KCNK3: variants seen among roughly 807,000 people sequenced by gnomAD.
KCNK3 encodes potassium two pore domain channel subfamily K member 3.
A neutral mutation model predicts 27.3 loss-of-function variants in KCNK3; 9 were observed. That is an observed-to-expected ratio of 0.33 (90% confidence interval 0.20 to 0.57). The LOEUF is 0.57. KCNK3 is among the 20% of genes least tolerant of loss of function. The pLI is 0.87. For synonymous variants in KCNK3, 278 were observed against 273.8 expected (o/e 1.02, Z -0.15); for missense variants, 391 against 577.7 (o/e 0.68, Z 3.31).
rs1663557122 is a variant in KCNK3, at chr2:26,732,420, G to C, written c.*3852G>C. ...TTGAAATATACTGGAGAAATAAAGA[G>C]AGTGGGAGTAGGGACACTTTCTCCC... On this transcript the variant is annotated 3_prime_UTR_variant, in exon 2 of 2. Transcript: ENST00000302909. 6.6e-6 allele frequency: 1 copy of C among 152,234 alleles called. No individual in the cohort carries two copies. The highest frequency in any genetic ancestry group is 2.4e-5 in the African/African-American group (1 of 41,444). The allele number at this position is 152,234 out of a possible 1,614,324, so 9.4% of individuals were successfully genotyped here.
At chr2:26,710,703 T>C (rs1663096442) in intron 1 of KCNK3, among the ~76,000 whole-genome samples, 1 of 152,084 alleles carries the variant, frequency 6.6e-6, no homozygotes, top group South Asian at 2.1e-4. Flanking sequence ...GCTCTGACCC[T>C]TGGGATTCTA....
At position 26,727,717 on chromosome 2, in the gene KCNK3, T is replaced by C. The variant is rs759453345; in HGVS notation, c.334T>C (p.Phe112Leu). ...GGATGGCGGCAAGGTGTTCTGCATG[T>C]TCTACGCGCTGCTGGGCATCCCGCT... ...STDGGKVFCM[F>L]YALLGIPLTL... Residue 112 changes from phenylalanine (F) to leucine (L), a missense_variant, in exon 2 of 2, where the codon TTC becomes CTC. Phe to Leu is a conservative substitution (Grantham distance 22). This residue lies in a region of KCNK3 where 158 missense variants were observed against 267.7 expected (regional missense o/e 0.59). Transcript: ENST00000302909. The C allele has an allele frequency of 6.4e-7, 1 of 1,553,692 alleles. No individual in the cohort carries two copies.
chr2:26,717,916 A>C (rs1663260870), intron 1 of KCNK3, among the ~76,000 whole-genome samples: 1 of 152,172 alleles, frequency 6.6e-6, no homozygotes, highest in Non-Finnish European at 1.5e-5. Context: ...CTCTGTGCCA[A>C]GCCCCCTTCC....
At chr2:26,724,518 T>G in intron 1 of KCNK3, 1 of 829,818 alleles carries the variant, frequency 1.2e-6, no homozygotes, top group Non-Finnish European at 1.5e-6. Flanking sequence ...ATAGTGACCT[T>G]GTAAGAAGTT....
rs1216142575 is a variant in KCNK3, at chr2:26,721,233, T to C, written c.284-6434T>C. Among the ~76,000 whole-genome samples, 1 of 151,800 alleles carries C rather than the reference T, an allele frequency of 6.6e-6. No individual in the cohort carries two copies. The highest frequency in any genetic ancestry group is 2.4e-5 in the African/African-American group (1 of 41,298). On this transcript the variant is annotated intron_variant, in intron 1 of 1. Coordinates refer to ENST00000302909, the MANE Select transcript of KCNK3 (RefSeq NM_002246.3). The surrounding 1 kb of genome is among the most constrained non-coding windows in gnomAD (Gnocchi z 4.3). ...TCCTCTGTGGACATGAGTGCCCAAA[T>C]ACAGGGTGGGGGCCTGAGAGGGGCA...
intron 1 of KCNK3, chr2:26,724,702 C>T: frequency 6.6e-6 from 5 of 759,036 alleles, no homozygotes; most frequent in Non-Finnish European, 8.0e-6. Flanking sequence ...TGAGGTGCTG[C>T]CTGGGATAAG....
intron 1 of KCNK3, among the ~76,000 whole-genome samples, chr2:26,694,848 A>G (rs1670215491): frequency 6.6e-6 from 1 of 152,056 alleles, no homozygotes; most frequent in Non-Finnish European, 1.5e-5. Context: ...CCACACGTCA[A>G]GCCTTCACGC....
At chr2:26,724,636 G>A (rs1218026421) in intron 1 of KCNK3, 6 of 985,072 alleles carry the variant, frequency 6.1e-6, no homozygotes, top group Admixed American at 1.2e-4. Flanking sequence ...TGACCCCAAA[G>A]AGGAGGCACA....
At chr2:26,720,116 G>A (rs1220448682) in intron 1 of KCNK3, among the ~76,000 whole-genome samples, 3 of 152,206 alleles carry the variant, frequency 2.0e-5, no homozygotes, top group Non-Finnish European at 2.9e-5. Flanking sequence ...TTAGCCGGAT[G>A]TGGTGGTTCA....
Position 26,728,309 on chromosome 2 carries a change from TGTGCTC to T in KCNK3, c.931_936del (p.Ser311_Cys312del), listed in dbSNP as rs1246104570. On this transcript the variant is annotated inframe_deletion, in exon 2 of 2. Coordinates refer to ENST00000302909, the MANE Select transcript of KCNK3 (RefSeq NM_002246.3). ...GCGGAGGTGCTGCACTTCCAGTCCATGTGCTCGTGCCTGTGGTACAAGAGCCGCGAG... is the reference window on the plus strand; with the variant it reads ...GCGGAGGTGCTGCACTTCCAGTCCATGTGCCTGTGGTACAAGAGCCGCGAG... 6.2e-7 allele frequency: 1 copy of T among 1,602,024 alleles called. No individual in the cohort carries two copies. Among genetic ancestry groups the T allele is most frequent in the Non-Finnish European group, 8.5e-7 (1 of 1,174,600 alleles).
At chr2:26,717,554 A>G (rs889812871) in intron 1 of KCNK3, among the ~76,000 whole-genome samples, 2 of 152,252 alleles carry the variant, frequency 1.3e-5, no homozygotes, top group Non-Finnish European at 2.9e-5. Flanking sequence ...TTCCTTTCTC[A>G]ATGCCAGGCT....
intron 1 of KCNK3, among the ~76,000 whole-genome samples, chr2:26,724,900 G>C (rs1663385818): frequency 6.6e-6 from 1 of 152,110 alleles, no homozygotes; most frequent in Non-Finnish European, 1.5e-5. Flanking sequence ...GGAGAGGAGG[G>C]GCCGGCTTGG....
intron 1 of KCNK3, among the ~76,000 whole-genome samples, chr2:26,696,313 C>G (rs1287693111): frequency 6.6e-6 from 1 of 152,232 alleles, no homozygotes; most frequent in Non-Finnish European, 1.5e-5. Context: ...CTCCCCCAGT[C>G]ACCCAGCTGG....
chr2:26,717,845 T>C (rs1389971376), intron 1 of KCNK3, among the ~76,000 whole-genome samples: 2 of 152,178 alleles, frequency 1.3e-5, no homozygotes, highest in East Asian at 3.9e-4. Context: ...AACCTCAGGC[T>C]CATCTCTGAT....
At chr2:26,719,935 T>G (rs1164980773) in intron 1 of KCNK3, among the ~76,000 whole-genome samples, 1 of 152,238 alleles carries the variant, frequency 6.6e-6, no homozygotes, top group Non-Finnish European at 1.5e-5. Flanking sequence ...GGCTAGTCCC[T>G]GCTCCTCTCT....
Position 26,693,250 on chromosome 2 carries a change from T to C in KCNK3, c.283+92T>C. The stretch of plus-strand genomic sequence containing the variant: ...GCCGGCTGGGGCTGGGGGCGGGGGC[T>C]CCCCCGAGAGGGGCTGGGCGCCGAA... On this transcript the variant is annotated intron_variant, in intron 1 of 1. Transcript: ENST00000302909. The surrounding 1 kb of genome is among the most constrained non-coding windows in gnomAD (Gnocchi z 5.5). 1 of 1,141,780 alleles carries C rather than the reference T, an allele frequency of 8.8e-7. No individual in the cohort carries two copies. Among genetic ancestry groups the C allele is most frequent in the Non-Finnish European group, 1.2e-6 (1 of 861,812 alleles). The allele number at this position is 1,141,780 out of a possible 1,614,324, so 70.7% of individuals were successfully genotyped here. A position where few individuals can be genotyped will look rare whatever the true frequency, so the allele number is the denominator to read the frequency against.
At position 26,733,112 on chromosome 2, in the gene KCNK3, G is replaced by C. The variant is rs1338510597; in HGVS notation, c.*4544G>C. On this transcript the variant is annotated 3_prime_UTR_variant, in exon 2 of 2. Transcript: ENST00000302909. ...GCATCTGAGGCATCCTGCACTAAAA[G>C]ATATATGTACAGCAAAACAAAAATA... 2 of 152,200 alleles carry C rather than the reference G, an allele frequency of 1.3e-5. No homozygotes were observed. The highest frequency in any genetic ancestry group is 4.8e-5 in the African/African-American group (2 of 41,432). 9.4% of individuals were successfully genotyped at this position (152,200 alleles called of 1,614,324 possible). A position where few individuals can be genotyped will look rare whatever the true frequency, so the allele number is the denominator to read the frequency against.
intron 1 of KCNK3, among the ~76,000 whole-genome samples, chr2:26,710,015 C>A (rs1439534445): frequency 6.6e-6 from 1 of 152,256 alleles, no homozygotes; most frequent in Non-Finnish European, 1.5e-5. Context: ...TGCCTCCCTC[C>A]TCCAGGAAAG....
At chr2:26,726,140 GAGAC>G (rs1263067751) in intron 1 of KCNK3, among the ~76,000 whole-genome samples, 3 of 151,196 alleles carry the variant, frequency 2.0e-5, no homozygotes, top group Non-Finnish European at 4.4e-5. Context: ...GAGAGAGAGA[GAGAC>G]AGTAAGTCCA....
Sources: allele counts gnomAD v4.1 joint callset (sites outside exome capture counted in the v4.1 genomes callset), GRCh38; gene constraint gnomAD v4.1.1; regional missense constraint gnomAD v4.1.1; non-coding constraint Gnocchi (gnomAD v3.1); transcripts MANE v1.5; gene names NCBI Gene and HGNC (gene_info 2026-07-23, HGNC 2026-07-21).